The following ZNF438 variants were observed in gnomAD, a reference collection of about 807,000 sequenced individuals.
ZNF438 encodes zinc finger protein 438.
In ZNF438, 25 loss-of-function variants were observed where a neutral mutation model predicts 38.0. The ratio of observed to expected loss-of-function variants is 0.66; its 90% CI spans 0.48 to 0.92. The LOEUF (loss-of-function observed/expected upper bound fraction) is 0.92. Ranked by LOEUF, ZNF438 falls within the 40% of genes least tolerant of loss-of-function variation. ZNF438 has a pLI of 0.00. For missense variants in ZNF438, 1,007 were observed against 999.6 expected (o/e 1.01, Z -0.10); for synonymous variants, 372 against 364.1 (o/e 1.02, Z -0.25).
At chr10:31,025,568 T>C (rs1241285709) in intron 1 of ZNF438, among the ~76,000 whole-genome samples, 2 of 152,218 alleles carry the variant, frequency 1.3e-5, no homozygotes, top group Non-Finnish European at 2.9e-5. Context: ...ATACTCCCTG[T>C]AGAATAGTAA....
At chr10:30,898,366 A>G (rs547575355) in intron 3 of ZNF438, among the ~76,000 whole-genome samples, 1 of 152,282 alleles carries the variant, frequency 6.6e-6, no homozygotes, top group Admixed American at 6.5e-5. Context: ...AAGTGAAGCA[A>G]GCTGTGGAAC....
intron 1 of ZNF438, among the ~76,000 whole-genome samples, chr10:30,942,423 G>C (rs924385363): frequency 2.0e-5 from 3 of 152,098 alleles, no homozygotes; most frequent in Non-Finnish European, 4.4e-5. Flanking sequence ...TTGTTACTAC[G>C]GTAGTCAAGA....
At chr10:30,949,955 GCACCA>G (rs2047963785) in intron 1 of ZNF438, among the ~76,000 whole-genome samples, 1 of 151,906 alleles carries the variant, frequency 6.6e-6, no homozygotes, top group Non-Finnish European at 1.5e-5. Context: ...TTTTTTTTCA[GCACCA>G]CACCACACCT....
chr10:30,889,413 C>A (rs1416646212), intron 3 of ZNF438, among the ~76,000 whole-genome samples: 1 of 152,106 alleles, frequency 6.6e-6, no homozygotes, highest in African/African-American at 2.4e-5. Flanking sequence ...CCCCTCTTCC[C>A]TCCTCTCTTC....
At chr10:31,031,729 T>A (rs1449224118) in intron 1 of ZNF438, 104 bp downstream of exon 1, 2 of 152,958 alleles carry the variant, frequency 1.3e-5, no homozygotes, top group Non-Finnish European at 2.9e-5. Flanking sequence ...AATCGGCGAC[T>A]CCCCAAGGAA....
rs2032882214 is a variant in ZNF438, at chr10:30,848,704, CAT to C, written c.1699_1700del (p.Met567ValfsTer3). ...ACACTTTTGCACAAAACTCACAACA[CAT>C]GAGTTTCTTCAGACGGTTCTCACCA... On this transcript the variant is annotated frameshift_variant, in exon 5 of 6. Coordinates refer to ENST00000413025, the Ensembl canonical transcript of ZNF438. LOFTEE classifies it high-confidence loss of function. The C allele has an allele frequency of 1.9e-6, 3 of 1,614,260 alleles. No individual in the cohort carries two copies. The highest frequency in any genetic ancestry group is 2.5e-6 in the Non-Finnish European group (3 of 1,180,046).
chr10:30,998,991 A>C (rs1479473146), intron 1 of ZNF438, among the ~76,000 whole-genome samples: 1 of 152,238 alleles, frequency 6.6e-6, no homozygotes, highest in Non-Finnish European at 1.5e-5. Flanking sequence ...CAGAAGACGG[A>C]AAATCAACAC....
At chr10:31,012,180 T>C (rs1564846617) in intron 1 of ZNF438, among the ~76,000 whole-genome samples, 1 of 151,246 alleles carries the variant, frequency 6.6e-6, no homozygotes. Flanking sequence ...TGGAGTGCAG[T>C]GGCATGATCT....
chr10:30,845,376 T>C, exon 6 of ZNF438: 1 of 1,614,198 alleles, frequency 6.2e-7, no homozygotes, highest in Non-Finnish European at 8.5e-7. Context: ...CACCAACTCT[T>C]CCTGAGTCCC....
chr10:31,010,892 G>GAAAAAAAAAAAAAAAA (rs563189482), intron 1 of ZNF438, among the ~76,000 whole-genome samples: 9 of 92,586 alleles, frequency 9.7e-5, no homozygotes, highest in Non-Finnish European at 1.2e-4. Context: ...GACCCTGTTT[G>GAAAAAAAAAAAAAAAA]AAAAAAAAAA....
chr10:30,872,705 G>C lies in ZNF438; in HGVS notation c.37+4293C>G, dbSNP rs540886759. The stretch of plus-strand genomic sequence containing the variant: ...GCGGAGCTTGCAGTGAGCCAAGATC[G>C]CACCACTGCACTCCAGCCTGGGTGA... On this transcript the variant is annotated intron_variant, in intron 4 of 5. Transcript: ENST00000413025. Among the ~76,000 whole-genome samples the C allele has an allele frequency of 2.7e-3, 357 of 132,242 alleles. 1 individual carries two copies. The highest frequency in any genetic ancestry group is 9.9e-3 in the African/African-American group (346 of 34,970). The allele number at this position is 132,242 out of a possible 152,430, so 86.8% of individuals were successfully genotyped here. A position where few individuals can be genotyped will look rare whatever the true frequency, so the allele number is the denominator to read the frequency against.
At chr10:30,931,519 C>G (rs2045696047) in intron 2 of ZNF438, among the ~76,000 whole-genome samples, 2 of 152,192 alleles carry the variant, frequency 1.3e-5, no homozygotes, top group Admixed American at 6.5e-5. Flanking sequence ...ATTAAATACC[C>G]TAACTTCTTT....
chr10:30,871,782 T>C lies in ZNF438; in HGVS notation c.37+5216A>G, dbSNP rs2037452157. 2.0e-5 allele frequency among the ~76,000 whole-genome samples: 3 copies of C among 152,156 alleles called. No individual in the cohort carries two copies. In the South Asian group the frequency reaches 6.2e-4, roughly 32 times the overall value. On this transcript the variant is annotated intron_variant, in intron 4 of 5. Transcript: ENST00000413025. ...TATGAATTCACATGATAGACAGTAATGGCTGTGGTTGTGCAGTCAAATCAT... is the reference window on the plus strand; with the variant it reads ...TATGAATTCACATGATAGACAGTAACGGCTGTGGTTGTGCAGTCAAATCAT...
In ZNF438 at chr10:30,902,990, C is replaced by T. The variant is rs533402487; in HGVS notation, c.-32+5943G>A. ...AGGACCGGGGAGAAATCGAGCGCAG[C>T]GCCGCACTGCTGGGGGACCGGATGC... is the stretch of plus-strand genomic sequence containing the variant. On this transcript the variant is annotated intron_variant, in intron 3 of 5. Transcript: ENST00000413025. Among the ~76,000 whole-genome samples, 178 of 45,342 alleles carry T rather than the reference C, an allele frequency of 3.9e-3. 1 individual carries two copies. Among genetic ancestry groups the T allele is most frequent in the African/African-American group, 0.026 (166 of 6,438 alleles). 29.7% of individuals were successfully genotyped at this position (45,342 alleles called of 152,430 possible). A position where few individuals can be genotyped will look rare whatever the true frequency, so the allele number is the denominator to read the frequency against.
intron 1 of ZNF438, among the ~76,000 whole-genome samples, chr10:31,013,670 T>C (rs527573573): frequency 6.5e-4 from 99 of 152,244 alleles, no homozygotes; most frequent in Middle Eastern, 3.4e-3. Context: ...ATCTGCAACT[T>C]AAGGTATCCA....
chr10:30,848,510 C>A, intron 5 of ZNF438, 21 bp downstream of exon 6: 1 of 1,589,442 alleles, frequency 6.3e-7, no homozygotes, highest in South Asian at 1.1e-5. Context: ...CTTGCCAGGT[C>A]TCCATTACAT....
chr10:30,929,843 G>T (rs557257759), intron 2 of ZNF438, among the ~76,000 whole-genome samples: 1 of 151,648 alleles, frequency 6.6e-6, no homozygotes, highest in South Asian at 2.1e-4. Context: ...ATCACTGATT[G>T]GTGCATTTAC....
Position 30,964,033 on chromosome 10 carries a change from T to C in ZNF438, c.-191-22382A>G, listed in dbSNP as rs1036591085. Among the ~76,000 whole-genome samples the C allele has an allele frequency of 3.9e-5, 6 of 152,224 alleles. No individual in the cohort carries two copies. The East Asian group carries it at 1.2e-3, about 29-fold the overall frequency. ...GGATTTCCTACTAAAGTGATCCTTA[T>C]AGTAGCTGAAATAGCTGCTGCATGT... On this transcript the variant is annotated intron_variant, in intron 1 of 5. Coordinates refer to ENST00000413025, the Ensembl canonical transcript of ZNF438.
intron 3 of ZNF438, among the ~76,000 whole-genome samples, chr10:30,907,743 T>C (rs748310869): frequency 2.0e-5 from 3 of 152,134 alleles, no homozygotes; most frequent in Non-Finnish European, 4.4e-5. Flanking sequence ...TAGCCAAAGG[T>C]TCATTAATTT....
Sources: gnomAD v4.1 joint callset for allele counts (sites outside exome capture counted in the v4.1 genomes callset) on GRCh38, gnomAD v4.1.1 for gene constraint, MANE v1.5 for transcripts, NCBI Gene and HGNC (gene_info 2026-07-23, HGNC 2026-07-21) for gene names.